Variants in GPHN observed in about 807,000 individuals in gnomAD.
GPHN encodes the protein gephyrin.
In GPHN, 17 loss-of-function variants were observed where a neutral mutation model predicts 95.5. The ratio of observed to expected loss-of-function variants is 0.18; its 90% CI spans 0.12 to 0.27. The LOEUF is 0.27. Ranked by LOEUF, GPHN falls within the 10% of genes least tolerant of loss-of-function variation. GPHN has a pLI of 1.00. For missense variants in GPHN, 660 were observed against 978.1 expected, an observed-to-expected ratio of 0.67 and a Z score of 4.34; for synonymous variants, 320 against 322.5, an observed-to-expected ratio of 0.99 and a Z score of 0.08.
intron 1 of GPHN, among the ~76,000 whole-genome samples, chr14:66,617,350 C>T (rs1008132914): frequency 6.6e-5 from 10 of 152,164 alleles, no homozygotes; most frequent in East Asian, 1.9e-4. Flanking sequence ...GGCATGGGTT[C>T]GCAAGTTGGA....
chr14:66,588,490 A>G (rs762250429), intron 1 of GPHN, among the ~76,000 whole-genome samples: 37 of 152,126 alleles, frequency 2.4e-4, no homozygotes, highest in Non-Finnish European at 4.1e-4. Context: ...AAGAACCTTG[A>G]AAAAAAGTTA....
chr14:66,959,957 T>C (rs2068786876), intron 8 of GPHN, among the ~76,000 whole-genome samples: 1 of 152,116 alleles, frequency 6.6e-6, no homozygotes, highest in African/African-American at 2.4e-5. Flanking sequence ...ATTTTTTTTC[T>C]TTCTGATCCT....
intron 2 of GPHN, among the ~76,000 whole-genome samples, chr14:66,704,371 G>A (rs765642422): frequency 4.6e-5 from 7 of 151,724 alleles, no homozygotes; most frequent in East Asian, 1.9e-4. Flanking sequence ...CGTTCATCTC[G>A]GTGCCGCATA....
At chr14:66,561,646 C>T (rs1260941859) in intron 1 of GPHN, among the ~76,000 whole-genome samples, 2 of 151,990 alleles carry the variant, frequency 1.3e-5, no homozygotes, top group Non-Finnish European at 2.9e-5. Flanking sequence ...TAGTTTTAAT[C>T]TATATATGTG....
chr14:66,990,977 G>A (rs2071380608), intron 9 of GPHN, among the ~76,000 whole-genome samples: 1 of 151,922 alleles, frequency 6.6e-6, no homozygotes, highest in Admixed American at 6.6e-5. Context: ...TAGACAATAT[G>A]TTATTTTGTA....
intron 1 of GPHN, among the ~76,000 whole-genome samples, chr14:66,630,812 T>A (rs1267111842): frequency 6.6e-6 from 1 of 152,130 alleles, no homozygotes; most frequent in East Asian, 1.9e-4. Context: ...GATTTTCTTG[T>A]CATGCCAGTT....
rs576648839 is a variant in GPHN at position 67,119,253 on chromosome 14, A to C, written c.1627-3003A>C. 2.6e-5 allele frequency among the ~76,000 whole-genome samples: 4 copies of C among 152,330 alleles called. No homozygotes were observed. In the East Asian group the frequency reaches 7.7e-4, roughly 29 times the overall value. Reference sequence around the variant, plus strand: ...TTTGGTACAGTTTAGCTGTTATGCAAATAATGGTATAGTTTTGCAAGTTGA... The same window carrying C: ...TTTGGTACAGTTTAGCTGTTATGCACATAATGGTATAGTTTTGCAAGTTGA... On this transcript the variant is annotated intron_variant, in intron 16 of 22. Transcript: ENST00000478722.
At chr14:66,818,181 G>A (rs1372000116) in intron 3 of GPHN, among the ~76,000 whole-genome samples, 2 of 151,886 alleles carry the variant, frequency 1.3e-5, no homozygotes, top group African/African-American at 4.8e-5. Context: ...ATGTCATGAG[G>A]GTTGGTTGTA....
At chr14:67,159,115 C>G (rs962958547) in intron 18 of GPHN, among the ~76,000 whole-genome samples, 1 of 152,164 alleles carries the variant, frequency 6.6e-6, no homozygotes, top group African/African-American at 2.4e-5. Context: ...TTTTATCTAA[C>G]TTCTCCTACT....
intron 1 of GPHN, among the ~76,000 whole-genome samples, chr14:66,644,891 AT>A (rs1235900522): frequency 6.6e-6 from 1 of 152,038 alleles, no homozygotes; most frequent in African/African-American, 2.4e-5. Context: ...TTTTAGGTAA[AT>A]TTTTTTATAA....
At chr14:66,674,428 T>C (rs1326079485) in intron 1 of GPHN, among the ~76,000 whole-genome samples, 1 of 152,088 alleles carries the variant, frequency 6.6e-6, no homozygotes, top group Non-Finnish European at 1.5e-5. Context: ...TAAGTTTGTG[T>C]TCATTAACCA....
chr14:66,604,365 A>G (rs1348616600), intron 1 of GPHN, among the ~76,000 whole-genome samples: 1 of 152,144 alleles, frequency 6.6e-6, no homozygotes, highest in African/African-American at 2.4e-5. Flanking sequence ...AAAATATACT[A>G]TATAGAATAT....
the GPHN span, among the ~76,000 whole-genome samples, chr14:67,218,702 T>A: frequency 6.6e-6 from 1 of 151,958 alleles, no homozygotes; most frequent in Non-Finnish European, 1.5e-5. Context: ...TGCGGAACAG[T>A]TTCTTTGTGC....
chr14:67,340,075 C>A, the GPHN span: 1 of 165,840 alleles, frequency 6.0e-6, no homozygotes, highest in Admixed American at 6.1e-5. Flanking sequence ...CTTGGCTTGT[C>A]CAAAGGTAAT....
chr14:67,352,752 T>C, the GPHN span: 1 of 550,780 alleles, frequency 1.8e-6, no homozygotes, highest in East Asian at 3.1e-5. Context: ...TTAAAGAGTT[T>C]GGATTTTATT....
chr14:66,817,208 T>C (rs554293673), intron 3 of GPHN, among the ~76,000 whole-genome samples: 30 of 152,178 alleles, frequency 2.0e-4, no homozygotes, highest in African/African-American at 7.0e-4. Flanking sequence ...TTTAAAATAA[T>C]ATATATGTGT....
chr14:67,004,783 A>G (rs72730441), intron 9 of GPHN, among the ~76,000 whole-genome samples: 8,967 of 151,828 alleles, frequency 0.059, 321 homozygotes, highest in Middle Eastern at 0.085. Flanking sequence ...ACCTCTTTAG[A>G]CCACATTTTT....
the GPHN span, chr14:67,533,661 A>T: frequency 6.6e-6 from 1 of 152,180 alleles, no homozygotes; most frequent in Middle Eastern, 3.4e-3. Context: ...GGTCAGATCC[A>T]GCCGCTCCTG....
At chr14:67,695,949 C>A in the GPHN span, 2 of 495,714 alleles carry the variant, frequency 4.0e-6, no homozygotes, top group African/African-American at 1.9e-5. Context: ...TGGGATCATT[C>A]ACCCAGCTCT....
Sources: allele counts gnomAD v4.1 joint callset (sites outside exome capture counted in the v4.1 genomes callset), GRCh38; gene constraint gnomAD v4.1.1; transcripts MANE v1.5; gene names NCBI Gene and HGNC (gene_info 2026-07-23, HGNC 2026-07-21).